Variants in SKAP2 observed in about 807,000 individuals in gnomAD.
SKAP2 encodes the protein src kinase-associated phosphoprotein 2.
A neutral mutation model predicts 54.9 loss-of-function variants in SKAP2; 28 were observed. The observed-to-expected ratio is 0.51, with a 90% CI of 0.38 to 0.70. The LOEUF (loss-of-function observed/expected upper bound fraction) is 0.70. Ranked by LOEUF, SKAP2 falls within the 30% of genes least tolerant of loss-of-function variation. The pLI is 0.00. For missense variants in SKAP2, 356 were observed against 424.1 expected, an observed-to-expected ratio of 0.84 and a Z score of 1.41; for synonymous variants, 137 against 134.3, an observed-to-expected ratio of 1.02 and a Z score of -0.14.
chr7:26,817,594 T>C (rs896729406), intron 4 of SKAP2, among the ~76,000 whole-genome samples: 7 of 152,140 alleles, frequency 4.6e-5, no homozygotes, highest in Non-Finnish European at 1.5e-5. Context: ...TATTTAATTA[T>C]AAAACATATA....
intron 4 of SKAP2, among the ~76,000 whole-genome samples, chr7:26,774,932 C>T (rs992822003): frequency 2.6e-5 from 4 of 152,148 alleles, no homozygotes; most frequent in African/African-American, 7.2e-5. Flanking sequence ...AATGGTATCA[C>T]ATCACACATG....
chr7:26,844,027 T>C lies in SKAP2; in HGVS notation c.307+3A>G. 1 of 1,565,952 alleles carries C rather than the reference T, an allele frequency of 6.4e-7. No individual in the cohort carries two copies. The highest frequency in any genetic ancestry group is 8.8e-7 in the Non-Finnish European group (1 of 1,136,654). On this transcript the variant is annotated splice_donor_region_variant and intron_variant, in intron 4 of 12. Transcript: ENST00000345317. Reference sequence around the variant, plus strand: ...CAGAGTTACGTGGGAAAATGTCACATACCATCAGAGGGGGCTTCATCGTCT... The same window carrying C: ...CAGAGTTACGTGGGAAAATGTCACACACCATCAGAGGGGGCTTCATCGTCT...
intron 9 of SKAP2, among the ~76,000 whole-genome samples, chr7:26,698,064 G>A (rs1786934210): frequency 6.6e-6 from 1 of 152,124 alleles, no homozygotes; most frequent in Admixed American, 6.6e-5. Context: ...TAATGTGGCT[G>A]TCTTATCAGG....
chr7:26,766,813 G>A (rs1783067084), intron 4 of SKAP2, among the ~76,000 whole-genome samples: 1 of 152,228 alleles, frequency 6.6e-6, no homozygotes. Flanking sequence ...TCCCAGGGAT[G>A]AAGCCGACTT....
chr7:26,792,948 C>A lies in SKAP2; in HGVS notation c.307+51082G>T, dbSNP rs2127982078. ...AAGTTAGATATTAATCAATACATTG[C>A]AGAAATAATTTCATAAAAAGAATGT... is the stretch of plus-strand genomic sequence containing the variant. On this transcript the variant is annotated intron_variant, in intron 4 of 12. Transcript: ENST00000345317. 1.3e-5 allele frequency among the ~76,000 whole-genome samples: 2 copies of A among 152,286 alleles called. 1 individual carries two copies. Among genetic ancestry groups the A allele is most frequent in the South Asian group, 4.1e-4 (2 of 4,830 alleles).
chr7:26,695,102 A>C (rs1786868386), intron 9 of SKAP2, among the ~76,000 whole-genome samples: 1 of 152,326 alleles, frequency 6.6e-6, no homozygotes, highest in East Asian at 1.9e-4. Context: ...TGATTTTATC[A>C]TCTCTTCCAG....
At chr7:26,849,181 T>C (rs986780150) in intron 3 of SKAP2, among the ~76,000 whole-genome samples, 1 of 152,226 alleles carries the variant, frequency 6.6e-6, no homozygotes, top group Non-Finnish European at 1.5e-5. Flanking sequence ...TATTCTGCTA[T>C]TCTTAGTCCA....
chr7:26,756,976 T>C (rs998955116), intron 4 of SKAP2, among the ~76,000 whole-genome samples: 9 of 152,226 alleles, frequency 5.9e-5, no homozygotes, highest in African/African-American at 1.9e-4. Context: ...CATAAATGTC[T>C]TCTTTTGAGA....
chr7:26,681,237 G>C (rs998239533), intron 11 of SKAP2, among the ~76,000 whole-genome samples: 10 of 152,134 alleles, frequency 6.6e-5, no homozygotes, highest in Non-Finnish European at 7.4e-5. Flanking sequence ...ATCACCTGAG[G>C]TCAGGAGTTC....
At chr7:26,733,649 G>C (rs1004666665) in intron 6 of SKAP2, among the ~76,000 whole-genome samples, 1 of 152,122 alleles carries the variant, frequency 6.6e-6, no homozygotes, top group Non-Finnish European at 1.5e-5. Flanking sequence ...GAGAAGGGGA[G>C]AGCAGGGAGG....
At chr7:26,757,468 A>C (rs895620626) in intron 4 of SKAP2, among the ~76,000 whole-genome samples, 12 of 152,202 alleles carry the variant, frequency 7.9e-5, no homozygotes, top group African/African-American at 2.9e-4. Flanking sequence ...GGTTTGTCAA[A>C]GATCAGACGG....
chr7:26,694,188 C>G (rs375151709), intron 9 of SKAP2, among the ~76,000 whole-genome samples: 1 of 151,770 alleles, frequency 6.6e-6, no homozygotes, highest in Non-Finnish European at 1.5e-5. Flanking sequence ...TAATTAATAC[C>G]TCAAGTAGTC....
intron 4 of SKAP2, among the ~76,000 whole-genome samples, chr7:26,796,119 A>T (rs1482380215): frequency 6.6e-6 from 1 of 152,252 alleles, no homozygotes; most frequent in Non-Finnish European, 1.5e-5. Context: ...ATCTATTATA[A>T]AAAGTTAGTA....
intron 4 of SKAP2, among the ~76,000 whole-genome samples, chr7:26,783,759 A>G (rs1402582546): frequency 6.6e-6 from 1 of 152,090 alleles, no homozygotes; most frequent in Non-Finnish European, 1.5e-5. Flanking sequence ...ACATGGACAC[A>G]GGAAGGGGAA....
At chr7:26,751,680 T>G (rs1782685886) in intron 4 of SKAP2, among the ~76,000 whole-genome samples, 1 of 152,200 alleles carries the variant, frequency 6.6e-6, no homozygotes, top group South Asian at 2.1e-4. Context: ...TTTGTTTTCC[T>G]TCCACCTAAA....
At chr7:26,780,919 C>T (rs1001524652) in intron 4 of SKAP2, among the ~76,000 whole-genome samples, 6 of 152,196 alleles carry the variant, frequency 3.9e-5, no homozygotes, top group South Asian at 2.1e-4. Context: ...TATTGTACTA[C>T]GTATCATCTG....
At chr7:26,684,697 T>C (rs757988795) in intron 11 of SKAP2, 39 bp downstream of exon 11, 2 of 1,300,880 alleles carry the variant, frequency 1.5e-6, no homozygotes, top group South Asian at 1.2e-5. Flanking sequence ...GAGCTTTGTA[T>C]TCCCTCTTTA....
At chr7:26,770,537 G>A (rs758492041) in intron 4 of SKAP2, among the ~76,000 whole-genome samples, 4 of 152,138 alleles carry the variant, frequency 2.6e-5, no homozygotes, top group Admixed American at 6.6e-5. Context: ...CGGTGTCTGC[G>A]CAAATGGCCA....
chr7:26,687,362 C>CA (rs1335198054), intron 10 of SKAP2, among the ~76,000 whole-genome samples: 2 of 151,824 alleles, frequency 1.3e-5, no homozygotes, highest in Non-Finnish European at 2.9e-5. Flanking sequence ...ACTGTGCTTT[C>CA]TATAATCTTG....
Sources: allele counts gnomAD v4.1 joint callset (sites outside exome capture counted in the v4.1 genomes callset), GRCh38; gene constraint gnomAD v4.1.1; transcripts MANE v1.5; gene names NCBI Gene and HGNC (gene_info 2026-07-23, HGNC 2026-07-21).